NAV1: variants seen among roughly 807,000 people sequenced by gnomAD.
The protein encoded by NAV1 is pore membrane and/or filament interacting like protein 3.
A neutral mutation model predicts 175.2 loss-of-function variants in NAV1; 18 were observed. The observed-to-expected ratio is 0.10, with a 90% CI of 0.07 to 0.15. The LOEUF (loss-of-function observed/expected upper bound fraction) is 0.15, where lower values mean the gene tolerates loss of function less well. Among genes scored for constraint, NAV1 ranks in the 10% least tolerant of loss-of-function variants. The probability of loss-of-function intolerance (pLI) is 1.00; values close to 1 mark genes in which losing one functional copy is unlikely to be tolerated. For synonymous variants in NAV1, 897 were observed against 978.7 expected (o/e 0.92, Z 1.56); for missense variants, 1,731 against 2,436.6 (o/e 0.71, Z 6.10).
At chr1:201,582,027 C>A (rs12058657) in intron 1 of NAV1, among the ~76,000 whole-genome samples, 1 of 152,064 alleles carries the variant, frequency 6.6e-6, no homozygotes, top group Admixed American at 6.5e-5. Context: ...ACCTGGGAGG[C>A]GGAGCTTGCA....
chr1:201,655,481 C>T (rs574033177), intron 1 of NAV1, among the ~76,000 whole-genome samples: 14 of 152,372 alleles, frequency 9.2e-5, no homozygotes, highest in Admixed American at 9.1e-4. Context: ...AGGCCCAGCT[C>T]ACTGGCCCTG....
At chr1:201,620,616 G>A (rs777482120), upstream of NAV1, among the ~76,000 whole-genome samples, 87 of 151,616 alleles carry the variant, frequency 5.7e-4, no homozygotes, top group Non-Finnish European at 1.0e-3. Flanking sequence ...GTGCCACCAC[G>A]CCCAGCTATT....
chr1:201,637,017 C>T (rs1341870040), intron 2 of NAV1, among the ~76,000 whole-genome samples: 1 of 152,208 alleles, frequency 6.6e-6, no homozygotes, highest in Non-Finnish European at 1.5e-5. Context: ...ATTTGCAGAG[C>T]AATTTTTATA....
chr1:201,819,803 A>G (rs1319948164), intron 29 of NAV1, 34 bp from the exon 34 acceptor site: 2 of 1,593,770 alleles, frequency 1.3e-6, no homozygotes, highest in South Asian at 1.1e-5. Flanking sequence ...CAGAGTCCCA[A>G]CTCTCATAAA....
Position 201,808,608 on chromosome 1 carries a change from C to A in NAV1, c.4036C>A (p.Gln1346Lys), listed in dbSNP as rs1375687718. 1.2e-6 allele frequency: 2 copies of A among 1,614,144 alleles called. No homozygotes were observed. Among genetic ancestry groups the A allele is most frequent in the African/African-American group, 2.7e-5 (2 of 74,954 alleles). The stretch of plus-strand genomic sequence containing the variant: ...GCTTCGGGAGACCATGCACAACATG[C>A]AGGTCAGTGTCTGGGCGGACAGCTG... The change falls in exon 19 of 30, where the codon CAG becomes AAG. Residue 1346 changes from glutamine to lysine, a missense_variant and splice_region_variant. Coordinates refer to ENST00000367296, the Ensembl canonical transcript of NAV1. The surrounding 1 kb of genome is among the most constrained non-coding windows in gnomAD (Gnocchi z 5.5).
At chr1:201,752,829 T>C (rs1235947427) in intron 3 of NAV1, among the ~76,000 whole-genome samples, 1 of 152,158 alleles carries the variant, frequency 6.6e-6, no homozygotes, top group African/African-American at 2.4e-5. Flanking sequence ...TTCCATGGTG[T>C]GAGGAAACTG....
chr1:201,793,892 AGGGT>A lies in NAV1; in HGVS notation c.3405+21_3405+24del. The A allele has an allele frequency of 3.0e-6, 1 of 330,612 alleles. No individual in the cohort carries two copies. The highest frequency in any genetic ancestry group is 6.1e-6 in the Non-Finnish European group (1 of 164,872). The allele number at this position is 330,612 out of a possible 1,614,324, so 20.5% of individuals were successfully genotyped here. The stretch of plus-strand genomic sequence containing the variant: ...GAGGAGAAGGTGAGAGGCCTGGGAA[AGGGT>A]GGGAGGGGTGGGTGCGGCGAGGGGG... On this transcript the variant is annotated intron_variant, in intron 14 of 29. Coordinates refer to ENST00000367296, the Ensembl canonical transcript of NAV1.
At chr1:201,650,478 C>T (rs74797454) in intron 1 of NAV1, among the ~76,000 whole-genome samples, 2,056 of 152,274 alleles carry the variant, frequency 0.014, 48 homozygotes, top group Middle Eastern at 0.048. Context: ...TGTGGGTCCT[C>T]CGGCGCCGAG....
chr1:201,819,701 T>C (rs780591715), intron 29 of NAV1, 136 bp from the exon 34 acceptor site: 4 of 684,630 alleles, frequency 5.8e-6, no homozygotes, highest in Non-Finnish European at 1.0e-5. Flanking sequence ...TCAAAGCTGA[T>C]TGCAAACTCC....
At chr1:201,701,339 C>G (rs1254850109) in intron 1 of NAV1, among the ~76,000 whole-genome samples, 1 of 151,706 alleles carries the variant, frequency 6.6e-6, no homozygotes, top group East Asian at 1.9e-4. Context: ...GTGCAACAAA[C>G]CAACATAGCA....
chr1:201,790,733 AG>A lies in NAV1; in HGVS notation c.3289del (p.Val1097TrpfsTer4). The A allele has an allele frequency of 6.2e-7, 1 of 1,614,142 alleles. No individual in the cohort carries two copies. The highest frequency in any genetic ancestry group is 8.5e-7 in the Non-Finnish European group (1 of 1,180,016). On this transcript the variant is annotated frameshift_variant, in exon 13 of 30. Coordinates refer to ENST00000367296, the Ensembl canonical transcript of NAV1. LOFTEE classifies it high-confidence loss of function. The stretch of plus-strand genomic sequence containing the variant: ...GGGAACTGGAATCATCCCAGGAAAA[AG>A]TGGCCACCTTGACGTCTCAGCTTTC...
chr1:201,693,976 G>A (rs936581488), intron 1 of NAV1, among the ~76,000 whole-genome samples: 1 of 152,194 alleles, frequency 6.6e-6, no homozygotes, highest in East Asian at 1.9e-4. Flanking sequence ...GCCATCCCCC[G>A]GCCTCCAGCC....
At chr1:201,564,186 C>T (rs1666288350) in intron 1 of NAV1, among the ~76,000 whole-genome samples, 1 of 151,094 alleles carries the variant, frequency 6.6e-6, no homozygotes, top group Non-Finnish European at 1.5e-5. Flanking sequence ...AGGCAGGCAT[C>T]CTCGGCCCTG....
Position 201,718,519 on chromosome 1 carries a change from G to T in NAV1, c.990G>T (p.Ala330=). The change falls in exon 3 of 30, where the codon GCG becomes GCT. Residue 330 remains alanine, a synonymous_variant. Transcript: ENST00000367296. This position sits in a 1 kb window ranked among gnomAD's most constrained non-coding sequence, Gnocchi z 4.8. ...GTCCGCGGCTGCAGGCTGGTGACGC[G>T]CCCTCTGTGGGTGGGAGCTGCCGCT... is the stretch of plus-strand genomic sequence containing the variant. 6.2e-7 allele frequency: 1 copy of T among 1,610,798 alleles called. No homozygotes were observed. Among genetic ancestry groups the T allele is most frequent in the Non-Finnish European group, 8.5e-7 (1 of 1,178,088 alleles).
At chr1:201,809,611 C>A in intron 22 of NAV1, 74 bp downstream of exon 26, 1 of 1,395,536 alleles carries the variant, frequency 7.2e-7, no homozygotes, top group Non-Finnish European at 1.0e-6. Context: ...GAGACAGGGT[C>A]TCACTCTTGC....
At chr1:201,794,537 C>A (rs138771197) in exon 15 of NAV1, 6 of 1,613,948 alleles carry the variant, frequency 3.7e-6, no homozygotes, top group Middle Eastern at 3.3e-4. Flanking sequence ...CCCAGGCAGT[C>A]ATTCAGGGAG....
At chr1:201,614,005 G>T (rs1667927403) in intron 2 of NAV1, among the ~76,000 whole-genome samples, 1 of 135,830 alleles carries the variant, frequency 7.4e-6, no homozygotes, top group African/African-American at 2.7e-5. Context: ...GCAATACCCA[G>T]ATTTGTACAA....
Position 201,586,565 on chromosome 1 carries a change from T to C in NAV1, c.-143-1974T>C, listed in dbSNP as rs148788880. 2.4e-3 allele frequency among the ~76,000 whole-genome samples: 360 copies of C among 152,202 alleles called. 3 individuals carry two copies. The highest frequency in any genetic ancestry group is 8.4e-3 in the African/African-American group (348 of 41,518). ...AGGTTGGTGCCTGGTGAGGTCTGTC[T>C]TCCTGGCTCACAGGTGGCTGCCTTC... On this transcript the variant is annotated intron_variant, in intron 1 of 33. Transcript: ENST00000685211.
intron 3 of NAV1, among the ~76,000 whole-genome samples, chr1:201,761,997 T>TA (rs1246192777): frequency 6.6e-6 from 1 of 150,386 alleles, no homozygotes; most frequent in African/African-American, 2.5e-5. Flanking sequence ...TACAAAAAAA[T>TA]TAAAAAAAAA....
Sources: gnomAD v4.1 joint callset for allele counts (sites outside exome capture counted in the v4.1 genomes callset) on GRCh38, gnomAD v4.1.1 for gene constraint, Gnocchi (gnomAD v3.1) non-coding constraint, MANE v1.5 for transcripts, NCBI Gene and HGNC (gene_info 2026-07-23, HGNC 2026-07-21) for gene names.